Variants in POPDC3 observed in about 807,000 individuals in gnomAD.
POPDC3 encodes the protein popeye domain-containing protein 3.
Under a neutral mutation model 28.2 loss-of-function variants are expected in POPDC3, and 20 were observed. The observed-to-expected ratio is 0.71, with a 90% confidence interval of 0.50 to 1.03. POPDC3 has a LOEUF of 1.03. Among genes scored for constraint, POPDC3 ranks in the 50% least tolerant of loss-of-function variants. The pLI is 0.00. For synonymous variants in POPDC3, 118 were observed against 124.1 expected (o/e 0.95, Z 0.33); for missense variants, 316 against 345.9 (o/e 0.91, Z 0.69).
intron 1 of POPDC3, chr6:105,166,430 T>A (rs1441370933): frequency 3.0e-6 from 1 of 328,126 alleles, no homozygotes; most frequent in African/African-American, 2.8e-5. Flanking sequence ...TTAAGAAGTG[T>A]CGAACAAATC....
intron 1 of POPDC3, among the ~76,000 whole-genome samples, chr6:105,170,596 C>T (rs1774555552): frequency 6.6e-6 from 1 of 152,112 alleles, no homozygotes; most frequent in Non-Finnish European, 1.5e-5. Context: ...GTAGATATCA[C>T]GCTTATTGTC....
intron 1 of POPDC3, among the ~76,000 whole-genome samples, 159 bp downstream of exon 1, chr6:105,179,674 G>GGCGCGGGCA (rs2114553384): frequency 6.6e-6 from 1 of 152,186 alleles, no homozygotes; most frequent in Admixed American, 6.5e-5. Flanking sequence ...GGAAGGGAGC[G>GGCGCGGGCA]GCGCGGGCAG....
chr6:105,159,890 G>A, intron 2 of POPDC3, 71 bp from the exon 3 acceptor site: 1 of 980,958 alleles, frequency 1.0e-6, no homozygotes, highest in East Asian at 2.7e-5. Context: ...GGGGTGGGGG[G>A]TAGAGGAAGT....
chr6:105,165,630 G>C (rs1582992710), intron 1 of POPDC3, among the ~76,000 whole-genome samples: 1 of 152,202 alleles, frequency 6.6e-6, no homozygotes, highest in Non-Finnish European at 1.5e-5. Flanking sequence ...AAACACAGAG[G>C]AGCTGGGGCA....
chr6:105,178,158 A>T (rs74498802), intron 1 of POPDC3, among the ~76,000 whole-genome samples: 4,908 of 152,276 alleles, frequency 0.032, 100 homozygotes, highest in Non-Finnish European at 0.049. Flanking sequence ...CAGTTTACAG[A>T]CTTTCAGATC....
At chr6:105,171,928 C>T (rs1774585373) in intron 1 of POPDC3, among the ~76,000 whole-genome samples, 1 of 151,072 alleles carries the variant, frequency 6.6e-6, no homozygotes, top group South Asian at 2.1e-4. Context: ...AAGTAATCCT[C>T]CCATCTTGGC....
chr6:105,170,566 TA>T (rs1774554865), intron 1 of POPDC3, among the ~76,000 whole-genome samples: 1 of 152,214 alleles, frequency 6.6e-6, no homozygotes, highest in South Asian at 2.1e-4. Flanking sequence ...AGGACTCTTT[TA>T]GTAGAGAGAA....
At chr6:105,175,562 G>A (rs779648257) in intron 1 of POPDC3, among the ~76,000 whole-genome samples, 68 of 151,236 alleles carry the variant, frequency 4.5e-4, no homozygotes, top group Non-Finnish European at 9.3e-4. Flanking sequence ...TAAAAAATAG[G>A]CCAGGCGCAG....
Position 105,158,302 on chromosome 6 carries a change from T to C in POPDC3, c.*168A>G. The C allele has an allele frequency of 1.8e-6, 1 of 544,256 alleles. No homozygotes were observed. Among genetic ancestry groups the C allele is most frequent in the Non-Finnish European group, 3.1e-6 (1 of 325,088 alleles). 33.7% of individuals were successfully genotyped at this position (544,256 alleles called of 1,614,324 possible). A position where few individuals can be genotyped will look rare whatever the true frequency, so the allele number is the denominator to read the frequency against. On this transcript the variant is annotated 3_prime_UTR_variant, in exon 4 of 4. Transcript: ENST00000254765. The stretch of plus-strand genomic sequence containing the variant: ...AAATACAAGAAAAATTTGTAAAGTT[T>C]ATTCACAATGCAGTTGTTGAAAGGA...
intron 1 of POPDC3, among the ~76,000 whole-genome samples, chr6:105,177,886 G>A (rs998766961): frequency 2.6e-5 from 4 of 152,206 alleles, no homozygotes; most frequent in Non-Finnish European, 5.9e-5. Context: ...TGGGTTGGAG[G>A]AGGACCCTGC....
intron 1 of POPDC3, among the ~76,000 whole-genome samples, chr6:105,174,674 G>C (rs142091816): frequency 3.5e-4 from 53 of 152,216 alleles, no homozygotes; most frequent in Middle Eastern, 3.4e-3. Flanking sequence ...AAACCATTGT[G>C]AGTCAGGGAC....
At chr6:105,163,007 T>TG (rs777113009) in intron 1 of POPDC3, among the ~76,000 whole-genome samples, 18 of 152,326 alleles carry the variant, frequency 1.2e-4, no homozygotes, top group Non-Finnish European at 2.4e-4. Context: ...CATGCCCATA[T>TG]GCTGGGTCCA....
At chr6:105,169,310 G>C (rs1447917027) in intron 1 of POPDC3, 1 of 152,162 alleles carries the variant, frequency 6.6e-6, no homozygotes, top group Non-Finnish European at 1.5e-5. Context: ...TGGAAAACAA[G>C]ACCCTATGAG....
intron 1 of POPDC3, among the ~76,000 whole-genome samples, chr6:105,174,319 G>A (rs1446820353): frequency 1.3e-5 from 2 of 152,316 alleles, no homozygotes; most frequent in East Asian, 1.9e-4. Flanking sequence ...AATTACAGGC[G>A]TGAGCCACTG....
chr6:105,167,658 A>G (rs1774485001), intron 1 of POPDC3, among the ~76,000 whole-genome samples: 1 of 151,830 alleles, frequency 6.6e-6, no homozygotes, highest in South Asian at 2.1e-4. Flanking sequence ...GAGGCAGGAG[A>G]ATTGCTTGAA....
Position 105,162,358 on chromosome 6 carries a change from T to C in POPDC3, c.-251-198A>G, listed in dbSNP as rs544240924. On this transcript the variant is annotated intron_variant, in intron 1 of 3. Coordinates refer to ENST00000254765, the MANE Select transcript of POPDC3 (RefSeq NM_022361.5). ...ATTTATTAAAATTAGCTACATATTT[T>C]TCAAGGTAGCTAAGTGCTCTATATT... is the stretch of plus-strand genomic sequence containing the variant. Among the ~76,000 whole-genome samples, 9 of 152,322 alleles carry C rather than the reference T, an allele frequency of 5.9e-5. No homozygotes were observed. The East Asian group carries it at 1.7e-3, about 29-fold the overall frequency.
intron 1 of POPDC3, among the ~76,000 whole-genome samples, chr6:105,166,185 A>T (rs557684343): frequency 6.6e-6 from 1 of 152,194 alleles, no homozygotes; most frequent in Non-Finnish European, 1.5e-5. Flanking sequence ...GAATTGGACA[A>T]CATCATAAGA....
At chr6:105,164,722 A>G (rs541965798) in intron 1 of POPDC3, among the ~76,000 whole-genome samples, 2 of 152,370 alleles carry the variant, frequency 1.3e-5, no homozygotes, top group South Asian at 2.1e-4. Flanking sequence ...CTGACATGCC[A>G]AAGTGGCACA....
At chr6:105,169,486 T>A (rs1254183688) in intron 1 of POPDC3, 1 of 152,238 alleles carries the variant, frequency 6.6e-6, no homozygotes, top group East Asian at 1.9e-4. Flanking sequence ...TAGAATACCA[T>A]GTTTTCATGG....
Sources: gnomAD v4.1 joint callset for allele counts (sites outside exome capture counted in the v4.1 genomes callset) on GRCh38, gnomAD v4.1.1 for gene constraint, MANE v1.5 for transcripts, NCBI Gene and HGNC (gene_info 2026-07-23, HGNC 2026-07-21) for gene names.